The following PCDHA10 variants were observed in gnomAD, a reference collection of about 807,000 sequenced individuals.
PCDHA10 encodes protocadherin alpha 10, also known as protocadherin alpha-10.
PCDHA10 carries 45 observed loss-of-function variants against 61.2 expected under a neutral mutation model. The ratio of observed to expected loss-of-function variants is 0.74; its 90% CI spans 0.58 to 0.94. The LOEUF is 0.94. Ranked by LOEUF, PCDHA10 falls within the 40% of genes least tolerant of loss-of-function variation. The probability of loss-of-function intolerance (pLI) is 0.00; values close to 1 mark genes in which losing one functional copy is unlikely to be tolerated. For missense variants in PCDHA10, 1,278 were observed against 1,236.2 expected (o/e 1.03, Z -0.51); for synonymous variants, 602 against 548.8 (o/e 1.10, Z -1.35).
intron 3 of PCDHA10, among the ~76,000 whole-genome samples, chr5:141,003,433 T>G (rs1479468480): frequency 2.0e-5 from 3 of 152,112 alleles, no homozygotes; most frequent in African/African-American, 7.2e-5. Flanking sequence ...TGCCTCAGCC[T>G]CCCAAGTAGA....
At chr5:140,961,548 TTC>T (rs1261051270) in intron 1 of PCDHA10, among the ~76,000 whole-genome samples, 4 of 152,230 alleles carry the variant, frequency 2.6e-5, no homozygotes, top group African/African-American at 9.6e-5. Context: ...CCTGCAGCAT[TTC>T]TTTTTTTAAA....
intron 1 of PCDHA10, among the ~76,000 whole-genome samples, chr5:140,945,509 GTAAA>G (rs1266877059): frequency 6.6e-6 from 1 of 151,782 alleles, no homozygotes; most frequent in Non-Finnish European, 1.5e-5. Context: ...ATTGAGCAAA[GTAAA>G]TAAATAAATA....
intron 1 of PCDHA10, among the ~76,000 whole-genome samples, chr5:140,913,558 G>C (rs1042223174): frequency 2.6e-5 from 4 of 151,668 alleles, no homozygotes; most frequent in African/African-American, 4.8e-5. Flanking sequence ...TTGATCTCTT[G>C]TATTTTCATC....
At chr5:140,885,349 AG>A (rs2060568168) in intron 1 of PCDHA10, among the ~76,000 whole-genome samples, 1 of 152,206 alleles carries the variant, frequency 6.6e-6, no homozygotes, top group African/African-American at 2.4e-5. Context: ...GATTTCCAAA[AG>A]GTACTGGTGA....
intron 3 of PCDHA10, among the ~76,000 whole-genome samples, chr5:140,999,340 C>T (rs903484891): frequency 2.6e-5 from 4 of 152,146 alleles, no homozygotes; most frequent in African/African-American, 4.8e-5. Flanking sequence ...ATTTATAAGC[C>T]TTGTCTCTTT....
intron 1 of PCDHA10, chr5:140,969,383 C>T: frequency 6.3e-6 from 10 of 1,597,986 alleles, no homozygotes; most frequent in African/African-American, 1.3e-5. Context: ...TGTTACACAT[C>T]CCCCAATATC....
At chr5:140,966,709 G>A (rs1447935100) in intron 1 of PCDHA10, 4 of 1,387,174 alleles carry the variant, frequency 2.9e-6, no homozygotes, top group Non-Finnish European at 2.8e-6. Flanking sequence ...CGTGGGGCAC[G>A]GCTGGGGAAG....
At chr5:140,995,963 A>G (rs2097706042) in intron 3 of PCDHA10, among the ~76,000 whole-genome samples, 1 of 152,234 alleles carries the variant, frequency 6.6e-6, no homozygotes, top group Non-Finnish European at 1.5e-5. Context: ...AATGCTTAGA[A>G]CCATGCTTAG....
intron 1 of PCDHA10, chr5:140,868,976 T>C: frequency 6.7e-7 from 1 of 1,481,558 alleles, no homozygotes; most frequent in Non-Finnish European, 9.0e-7. Context: ...AACTCCATCA[T>C]ACCGGATGCC....
intron 1 of PCDHA10, chr5:140,968,736 A>G (rs1047961532): frequency 3.1e-6 from 5 of 1,614,098 alleles, no homozygotes; most frequent in East Asian, 2.2e-5. Context: ...AGCACTTTCA[A>G]CCTGACCGTG....
At chr5:140,954,520 A>G (rs1554221455) in intron 1 of PCDHA10, among the ~76,000 whole-genome samples, 1 of 152,192 alleles carries the variant, frequency 6.6e-6, no homozygotes, top group Admixed American at 6.6e-5. Context: ...CCTAATGATC[A>G]GTGATGTTGA....
At chr5:140,880,620 A>C (rs2058397773) in intron 1 of PCDHA10, among the ~76,000 whole-genome samples, 1 of 152,170 alleles carries the variant, frequency 6.6e-6, no homozygotes, top group Non-Finnish European at 1.5e-5. Context: ...AAGAGGGAGG[A>C]GTTAATTATC....
intron 1 of PCDHA10, among the ~76,000 whole-genome samples, chr5:140,945,598 T>C (rs544036785): frequency 1.3e-5 from 2 of 152,116 alleles, no homozygotes; most frequent in South Asian, 2.1e-4. Flanking sequence ...TTCAAAGCTA[T>C]AATAATCAAA....
chr5:140,935,561 T>C (rs1184981109), intron 1 of PCDHA10, among the ~76,000 whole-genome samples: 3 of 152,218 alleles, frequency 2.0e-5, no homozygotes, highest in African/African-American at 7.2e-5. Context: ...TTGGAAAAGT[T>C]CCTCTCTGTG....
rs782568001 is a variant in PCDHA10, at chr5:140,876,674, A to G, written c.2388+18238A>G. The G allele has an allele frequency of 5.0e-6, 8 of 1,614,142 alleles. No homozygotes were observed. The South Asian group carries it at 7.7e-5, about 16-fold the overall frequency. On this transcript the variant is annotated intron_variant, in intron 1 of 3. Transcript: ENST00000307360. ...GTTCCCTTCAAGCTGGTGTCCACCTACAAGAATTACTACTCGTTGGTGCTG... is the reference window on the plus strand; with the variant it reads ...GTTCCCTTCAAGCTGGTGTCCACCTGCAAGAATTACTACTCGTTGGTGCTG...
At chr5:140,927,172 G>A (rs782548172) in intron 1 of PCDHA10, 7 of 1,614,034 alleles carry the variant, frequency 4.3e-6, no homozygotes, top group East Asian at 4.5e-5. Context: ...AGCTGCCTGC[G>A]TCTTGACCTA....
At chr5:140,966,356 C>G (rs1300973653) in intron 1 of PCDHA10, 2 of 400,342 alleles carry the variant, frequency 5.0e-6, no homozygotes, top group Non-Finnish European at 8.8e-6. Flanking sequence ...GGAGATGGGG[C>G]TGGAGAGGCT....
rs543277248 is a variant in PCDHA10, at chr5:140,857,767, C to A, written c.1719C>A (p.Gly573=). ...TGGCGTCTCCCGCTGGCAGCGCGGG[C>A]GGTGCAGTCAGTGAGCTGGTGCTGC... ...ALLASPAGSA[G]GAVSELVLRS... is the part of the protein sequence containing the mutation. Residue 573 remains glycine (G), a synonymous_variant, in exon 1 of 4, where the codon GGC becomes GGA. Coordinates refer to ENST00000307360, the MANE Select transcript of PCDHA10 (RefSeq NM_018901.4). 127 of 1,597,456 alleles carry A rather than the reference C, an allele frequency of 8.0e-5. 4 individuals are homozygous for A. The South Asian group carries it at 1.3e-3, about 16-fold the overall frequency.
At chr5:140,994,226 G>A (rs2097606248) in intron 3 of PCDHA10, among the ~76,000 whole-genome samples, 1 of 152,162 alleles carries the variant, frequency 6.6e-6, no homozygotes. Flanking sequence ...GTCTGTCTAT[G>A]TTATAATCAA....
Sources: gnomAD v4.1 joint callset for allele counts (sites outside exome capture counted in the v4.1 genomes callset) on GRCh38, gnomAD v4.1.1 for gene constraint, MANE v1.5 for transcripts, NCBI Gene and HGNC (gene_info 2026-07-23, HGNC 2026-07-21) for gene names.